The following SORCS2 variants were observed in gnomAD, a reference collection of about 807,000 sequenced individuals.
SORCS2 encodes VPS10 domain-containing receptor SorCS2.
Under a neutral mutation model 141.6 loss-of-function variants are expected in SORCS2, and 100 were observed. The ratio of observed to expected loss-of-function variants is 0.71; its 90% CI spans 0.60 to 0.83. The LOEUF (loss-of-function observed/expected upper bound fraction) is 0.83, where lower values mean the gene tolerates loss of function less well. SORCS2 is among the 40% of genes least tolerant of loss of function. SORCS2 has a pLI of 0.00. For missense variants in SORCS2, 1,646 were observed against 1,560.2 expected (o/e 1.05, Z -0.93); for synonymous variants, 789 against 676.9 (o/e 1.17, Z -2.57).
rs528623660 is a variant in SORCS2, at chr4:7,636,611, C to T, written c.649-1717C>T. ...TTCCAAATGTAGAGATGCGATGTCCCGAATCTGACCAAGCCACCAAACCCA... is the reference window on the plus strand; with the variant it reads ...TTCCAAATGTAGAGATGCGATGTCCTGAATCTGACCAAGCCACCAAACCCA... On this transcript the variant is annotated intron_variant, in intron 3 of 26. Coordinates refer to ENST00000507866, the MANE Select transcript of SORCS2 (RefSeq NM_020777.3). 1.1e-4 allele frequency among the ~76,000 whole-genome samples: 16 copies of T among 152,074 alleles called. No homozygotes were observed. In the East Asian group the frequency reaches 1.7e-3, roughly 17 times the overall value.
In SORCS2 at chr4:7,723,860, C is replaced by G. The variant is rs370833021; in HGVS notation, c.2588C>G (p.Ala863Gly). The G allele has an allele frequency of 2.5e-6, 4 of 1,609,556 alleles. No individual in the cohort carries two copies. The African/African-American group carries it at 5.3e-5, about 21-fold the overall frequency. ...GAGAACACGGCAGGCCACGATGAGGCGGTGCTCTTTGTCCAGGTCAACTGT... is the reference window on the plus strand; with the variant it reads ...GAGAACACGGCAGGCCACGATGAGGGGGTGCTCTTTGTCCAGGTCAACTGT... The part of the protein sequence containing the change: ...RAENTAGHDE[A>G]VLFVQVNSPL... The change falls in exon 19 of 27, where the codon GCG becomes GGG. Residue 863 changes from alanine to glycine, a missense_variant. Physicochemically the swap from Ala to Gly is moderately conservative, Grantham distance 60. Coordinates refer to ENST00000507866, the MANE Select transcript of SORCS2 (RefSeq NM_020777.3).
At chr4:7,724,995 A>G (rs200901627) in intron 19 of SORCS2, among the ~76,000 whole-genome samples, 159 bp from the exon 20 acceptor site, 197 of 101,176 alleles carry the variant, frequency 1.9e-3, no homozygotes, top group African/African-American at 5.8e-3. Flanking sequence ...GGATGGTGGT[A>G]GTAGTGGTGA....
intron 3 of SORCS2, among the ~76,000 whole-genome samples, chr4:7,562,303 G>A (rs1264602719): frequency 6.6e-6 from 1 of 151,344 alleles, no homozygotes; most frequent in Non-Finnish European, 1.5e-5. Context: ...GCTGTGATCA[G>A]CTGCGTACAC....
chr4:7,305,361 G>GTTT (rs5855954), intron 1 of SORCS2, among the ~76,000 whole-genome samples: 2 of 137,770 alleles, frequency 1.5e-5, no homozygotes, highest in Non-Finnish European at 1.6e-5. Context: ...TTCTACTTTA[G>GTTT]TTTTTTTTTT....
chr4:7,710,737 A>G (rs560347847), intron 14 of SORCS2, among the ~76,000 whole-genome samples: 42 of 152,304 alleles, frequency 2.8e-4, no homozygotes, highest in Admixed American at 1.2e-3. Flanking sequence ...CAGGCCCACA[A>G]GATTCCTCTG....
At chr4:7,452,477 C>A (rs1728526554) in intron 2 of SORCS2, among the ~76,000 whole-genome samples, 2 of 152,308 alleles carry the variant, frequency 1.3e-5, no homozygotes, top group African/African-American at 4.8e-5. Flanking sequence ...TTTCTGCTGG[C>A]CAAAGTCTAT....
At chr4:7,205,031 A>G (rs895073611) in intron 1 of SORCS2, among the ~76,000 whole-genome samples, 1 of 152,284 alleles carries the variant, frequency 6.6e-6, no homozygotes, top group Non-Finnish European at 1.5e-5. Context: ...GTAAAAATAA[A>G]GCACTCAATA....
intron 3 of SORCS2, among the ~76,000 whole-genome samples, chr4:7,628,025 A>AGCT (rs1243758872): frequency 6.6e-6 from 1 of 152,238 alleles, no homozygotes; most frequent in Non-Finnish European, 1.5e-5. Flanking sequence ...TGCCTGCAGC[A>AGCT]GCTGCTGGAG....
At chr4:7,548,624 A>C (rs1370558397) in intron 3 of SORCS2, among the ~76,000 whole-genome samples, 2 of 152,090 alleles carry the variant, frequency 1.3e-5, no homozygotes, top group Non-Finnish European at 2.9e-5. Flanking sequence ...CTTGTGCCAG[A>C]GGGCGGCTCA....
chr4:7,322,453 G>A (rs571464421), intron 1 of SORCS2, among the ~76,000 whole-genome samples: 6 of 152,322 alleles, frequency 3.9e-5, no homozygotes, highest in East Asian at 1.9e-4. Flanking sequence ...AAGGTGTACC[G>A]CGTCCCGCTG....
At chr4:7,683,358 AT>A (rs1723672182) in intron 10 of SORCS2, among the ~76,000 whole-genome samples, 2 of 141,504 alleles carry the variant, frequency 1.4e-5, no homozygotes, top group Non-Finnish European at 3.0e-5. Flanking sequence ...GGCTCTGCTG[AT>A]CTTGTCTGGG....
At chr4:7,229,957 A>T (rs896112313) in intron 1 of SORCS2, among the ~76,000 whole-genome samples, 6 of 140,696 alleles carry the variant, frequency 4.3e-5, no homozygotes, top group Non-Finnish European at 7.6e-5. Flanking sequence ...TCATGTGCTC[A>T]TGTATGAAGG....
At chr4:7,630,682 C>G (rs550512888) in intron 3 of SORCS2, among the ~76,000 whole-genome samples, 29 of 152,204 alleles carry the variant, frequency 1.9e-4, no homozygotes, top group Non-Finnish European at 3.8e-4. Flanking sequence ...GCTTTCTGCT[C>G]ATTGTGACTC....
intron 3 of SORCS2, among the ~76,000 whole-genome samples, chr4:7,590,900 A>G (rs766026214): frequency 3.3e-5 from 5 of 152,346 alleles, no homozygotes; most frequent in Admixed American, 6.5e-5. Flanking sequence ...AGATAGCTAC[A>G]CATCACCATA....
intron 1 of SORCS2, among the ~76,000 whole-genome samples, chr4:7,305,011 T>C (rs1267531105): frequency 7.3e-5 from 11 of 150,420 alleles, no homozygotes; most frequent in Non-Finnish European, 1.2e-4. Flanking sequence ...CGTTCCTTAC[T>C]CAGGCCGACA....
chr4:7,285,512 A>C (rs1716156754), intron 1 of SORCS2, among the ~76,000 whole-genome samples: 1 of 152,212 alleles, frequency 6.6e-6, no homozygotes, highest in Non-Finnish European at 1.5e-5. Flanking sequence ...GCCTGGCTGC[A>C]GTGGGCGGTT....
At chr4:7,289,120 C>T (rs2108873956) in intron 1 of SORCS2, among the ~76,000 whole-genome samples, 2 of 152,310 alleles carry the variant, frequency 1.3e-5, no homozygotes, top group South Asian at 4.1e-4. Flanking sequence ...GTGTAGGTGA[C>T]ATATGGATAT....
intron 1 of SORCS2, among the ~76,000 whole-genome samples, chr4:7,313,351 C>T (rs1243421848): frequency 2.6e-5 from 4 of 152,184 alleles, no homozygotes; most frequent in Non-Finnish European, 5.9e-5. Context: ...GCAGGGAAGG[C>T]GCAGTCCTCC....
chr4:7,273,770 A>G (rs1715293406), intron 1 of SORCS2, among the ~76,000 whole-genome samples: 1 of 152,242 alleles, frequency 6.6e-6, no homozygotes, highest in African/African-American at 2.4e-5. Context: ...CTCTGTCATT[A>G]GAAAGCTCTG....
Sources: allele counts gnomAD v4.1 joint callset (sites outside exome capture counted in the v4.1 genomes callset), GRCh38; gene constraint gnomAD v4.1.1; transcripts MANE v1.5; gene names NCBI Gene and HGNC (gene_info 2026-07-23, HGNC 2026-07-21).